The following MAPRE3 variants were observed in gnomAD, a reference collection of about 807,000 sequenced individuals.
MAPRE3 encodes microtubule associated protein RP/EB family member 3.
Under a neutral mutation model 30.5 loss-of-function variants are expected in MAPRE3, and 2 were observed. The observed-to-expected ratio is 0.07, with a 90% CI of 0.03 to 0.21. The LOEUF (loss-of-function observed/expected upper bound fraction) is 0.21, where lower values mean the gene tolerates loss of function less well. MAPRE3 is among the 10% of genes least tolerant of loss of function. The pLI, the probability that MAPRE3 is intolerant of heterozygous loss-of-function variation, is 1.00. For synonymous variants in MAPRE3, 110 were observed against 127.7 expected, an observed-to-expected ratio of 0.86 and a Z score of 0.93; for missense variants, 204 against 351.8, an observed-to-expected ratio of 0.58 and a Z score of 3.36.
intron 1 of MAPRE3, among the ~76,000 whole-genome samples, chr2:26,973,619 A>G (rs899654322): frequency 2.0e-5 from 3 of 150,612 alleles, no homozygotes; most frequent in African/African-American, 7.3e-5. Context: ...CAGTGGCGCA[A>G]TCTCGGCTCA....
At chr2:26,979,426 T>C (rs1167669116) in intron 1 of MAPRE3, among the ~76,000 whole-genome samples, 1 of 152,014 alleles carries the variant, frequency 6.6e-6, no homozygotes, top group African/African-American at 2.4e-5. Flanking sequence ...TCTACAAAAA[T>C]TGTTTTTAAA....
At chr2:26,975,505 A>C (rs1050434435) in intron 1 of MAPRE3, among the ~76,000 whole-genome samples, 1 of 152,214 alleles carries the variant, frequency 6.6e-6, no homozygotes, top group Non-Finnish European at 1.5e-5. Context: ...AGTGAATTTA[A>C]ATTCCTAGAT....
rs1426415958 is a variant in MAPRE3, at chr2:26,986,139, C to G, written c.-8+15337C>G. On this transcript the variant is annotated intron_variant, in intron 1 of 6. Coordinates refer to ENST00000233121, the MANE Select transcript of MAPRE3 (RefSeq NM_012326.4). This position sits in a 1 kb window ranked among gnomAD's most constrained non-coding sequence, Gnocchi z 4.2. ...AATCCGCGTCTTTGCCTCCTCCATCCTCTAAAGGCTGCCCACATTCACTGG... is the reference window on the plus strand; with the variant it reads ...AATCCGCGTCTTTGCCTCCTCCATCGTCTAAAGGCTGCCCACATTCACTGG... 6.6e-6 allele frequency among the ~76,000 whole-genome samples: 1 copy of G among 152,158 alleles called. No homozygotes were observed. Among genetic ancestry groups the G allele is most frequent in the Non-Finnish European group, 1.5e-5 (1 of 68,024 alleles).
chr2:26,976,324 A>T (rs946739013), intron 1 of MAPRE3, among the ~76,000 whole-genome samples: 3 of 152,362 alleles, frequency 2.0e-5, no homozygotes, highest in South Asian at 2.1e-4. Flanking sequence ...CATGTTTATT[A>T]TAGAAAGATG....
At position 27,022,133 on chromosome 2, in the gene MAPRE3, C is replaced by T. The variant is rs1268355099; in HGVS notation, c.-7-79C>T. ...GGGAATGTTTCTTACTTCCCAGTAT[C>T]ATACAGCCCCTCTCTCTTGACAGCT... On this transcript the variant is annotated intron_variant, in intron 1 of 6. Coordinates refer to ENST00000233121, the MANE Select transcript of MAPRE3 (RefSeq NM_012326.4). 6 of 1,515,694 alleles carry T rather than the reference C, an allele frequency of 4.0e-6. No individual in the cohort carries two copies. The African/African-American group carries it at 6.9e-5, about 17-fold the overall frequency. 93.9% of individuals were successfully genotyped at this position (1,515,694 alleles called of 1,614,324 possible). A position where few individuals can be genotyped will look rare whatever the true frequency, so the allele number is the denominator to read the frequency against.
intron 1 of MAPRE3, among the ~76,000 whole-genome samples, chr2:26,994,514 A>G (rs1666412281): frequency 6.6e-6 from 1 of 152,244 alleles, no homozygotes; most frequent in African/African-American, 2.4e-5. Flanking sequence ...AGTTGCACTA[A>G]CATAGTTTTC....
chr2:26,987,129 TA>T (rs1275844421), intron 1 of MAPRE3, among the ~76,000 whole-genome samples: 1 of 152,110 alleles, frequency 6.6e-6, no homozygotes, highest in African/African-American at 2.4e-5. Context: ...TCCTCAGAAG[TA>T]AATAAAATTT....
intron 1 of MAPRE3, among the ~76,000 whole-genome samples, chr2:26,972,670 T>C (rs1442964337): frequency 1.3e-5 from 2 of 152,060 alleles, no homozygotes; most frequent in African/African-American, 4.8e-5. Context: ...CTGGGCTGAG[T>C]GTATTTTGGG....
chr2:26,981,435 G>A (rs1313155518), intron 1 of MAPRE3, among the ~76,000 whole-genome samples: 3 of 152,118 alleles, frequency 2.0e-5, no homozygotes, highest in East Asian at 1.9e-4. Context: ...CAGTGGGAAC[G>A]GAAAACAGGT....
chr2:27,023,621 TC>T (rs1667160896), intron 3 of MAPRE3, 144 bp downstream of exon 3: 5 of 937,248 alleles, frequency 5.3e-6, no homozygotes, highest in South Asian at 4.2e-5. Context: ...GAGGGAATTT[TC>T]CCCCTGCTCA....
At position 27,026,522 on chromosome 2, in the gene MAPRE3, GCCC is replaced by G; in HGVS notation, c.*175_*177del. The G allele has an allele frequency of 1.7e-6, 1 of 576,330 alleles. No homozygotes were observed. The highest frequency in any genetic ancestry group is 3.0e-6 in the Non-Finnish European group (1 of 331,204). 35.7% of individuals were successfully genotyped at this position (576,330 alleles called of 1,614,324 possible). A position where few individuals can be genotyped will look rare whatever the true frequency, so the allele number is the denominator to read the frequency against. ...GCATGGGGCCGGAAAGCAGGCAGAA[GCCC>G]GTCCTGGGTGGTGCTGGCCCAGTTG... On this transcript the variant is annotated 3_prime_UTR_variant, in exon 7 of 7. Coordinates refer to ENST00000233121, the MANE Select transcript of MAPRE3 (RefSeq NM_012326.4).
At chr2:27,010,538 G>A (rs1334988520) in intron 1 of MAPRE3, among the ~76,000 whole-genome samples, 3 of 150,846 alleles carry the variant, frequency 2.0e-5, no homozygotes, top group Non-Finnish European at 4.4e-5. Context: ...CACCTCCCGG[G>A]TTCAAGCCAT....
At chr2:27,010,802 G>A (rs1666840043) in intron 1 of MAPRE3, among the ~76,000 whole-genome samples, 1 of 152,118 alleles carries the variant, frequency 6.6e-6, no homozygotes, top group South Asian at 2.1e-4. Flanking sequence ...CCACCCTGCA[G>A]GCAGTCACTC....
At chr2:27,014,460 G>C (rs146574651) in intron 1 of MAPRE3, 5 of 152,414 alleles carry the variant, frequency 3.3e-5, no homozygotes, top group African/African-American at 1.2e-4. Context: ...TGACCTAAAA[G>C]TGTTGTGAGA....
chr2:27,018,940 G>A (rs1208840879), intron 1 of MAPRE3, among the ~76,000 whole-genome samples: 1 of 136,782 alleles, frequency 7.3e-6, no homozygotes, highest in African/African-American at 3.5e-5. Context: ...TTTTGGAGAT[G>A]GATTCTGGCT....
At position 26,992,052 on chromosome 2, in the gene MAPRE3, GA is replaced by G. The variant is rs200301870; in HGVS notation, c.-8+21254del. Among the ~76,000 whole-genome samples the G allele has an allele frequency of 7.9e-3, 1,205 of 152,144 alleles. 16 individuals carry two copies. The highest frequency in any genetic ancestry group is 0.028 in the African/African-American group (1,176 of 41,482). On this transcript the variant is annotated intron_variant, in intron 1 of 6. Transcript: ENST00000233121. ...ATAATTTTTTAATCTCATGATTTTG[GA>G]AAATCAGAAACTGTTACTACTCCAT...
At position 26,982,535 on chromosome 2, in the gene MAPRE3, C is replaced by T. The variant is rs568961399; in HGVS notation, c.-8+11733C>T. The stretch of plus-strand genomic sequence containing the variant: ...CTACCAGGAAGGAACAAACAGCTTG[C>T]AGTACAGGCCTCAAGCCAGGTGGGG... On this transcript the variant is annotated intron_variant, in intron 1 of 6. Coordinates refer to ENST00000233121, the MANE Select transcript of MAPRE3 (RefSeq NM_012326.4). 4.6e-5 allele frequency among the ~76,000 whole-genome samples: 7 copies of T among 152,320 alleles called. No homozygotes were observed. In the South Asian group the frequency reaches 1.5e-3, roughly 32 times the overall value.
intron 1 of MAPRE3, among the ~76,000 whole-genome samples, chr2:26,973,700 C>T (rs939322833): frequency 7.9e-5 from 12 of 151,944 alleles, no homozygotes; most frequent in Non-Finnish European, 1.5e-4. Context: ...GGACTACAGG[C>T]GCCCGCCACC....
In MAPRE3 at chr2:27,024,044, G is replaced by A. The variant is rs956384197; in HGVS notation, c.268-52G>A. On this transcript the variant is annotated intron_variant, in intron 3 of 6. Coordinates refer to ENST00000233121, the MANE Select transcript of MAPRE3 (RefSeq NM_012326.4). ...GCAGTGGCCCTCAGCAGAGGAAGGC[G>A]GTCCTACAGCAGCAGGTGGCTAAAG... The A allele has an allele frequency of 1.4e-5, 20 of 1,425,440 alleles. No homozygotes were observed. In the South Asian group the frequency reaches 1.7e-4, roughly 12 times the overall value. 88.3% of individuals were successfully genotyped at this position (1,425,440 alleles called of 1,614,324 possible).
Sources: allele counts gnomAD v4.1 joint callset (sites outside exome capture counted in the v4.1 genomes callset), GRCh38; gene constraint gnomAD v4.1.1; non-coding constraint Gnocchi (gnomAD v3.1); transcripts MANE v1.5; gene names NCBI Gene and HGNC (gene_info 2026-07-23, HGNC 2026-07-21).